ACAP3: variants seen among roughly 807,000 people sequenced by gnomAD.
The protein encoded by ACAP3 is ArfGAP with coiled-coil, ankyrin repeat and PH domains 3, also known as arf-GAP with coiled-coil, ANK repeat and PH domain-containing protein 3.
ACAP3 carries 56 observed loss-of-function variants against 104.1 expected under a neutral mutation model. The observed-to-expected ratio is 0.54, with a 90% CI of 0.43 to 0.67. ACAP3 has a LOEUF of 0.67. ACAP3 is among the 30% of genes least tolerant of loss of function. ACAP3 has a pLI of 0.00. For missense variants in ACAP3, 1,208 were observed against 1,174.9 expected (o/e 1.03, Z -0.41); for synonymous variants, 628 against 496.2 (o/e 1.27, Z -3.53).
At chr1:1,299,552 GCTGTCC>G in intron 9 of ACAP3, 196 bp from the exon 10 acceptor site, 1 of 772,672 alleles carries the variant, frequency 1.3e-6, no homozygotes, top group Non-Finnish European at 2.0e-6. Context: ...GGCCGGGGCT[GCTGTCC>G]CACAGGCAAG....
chr1:1,293,731 A>ACGTCCCTGCCCTGGAGGCCC, intron 23 of ACAP3, 23 bp from the exon 24 acceptor site: 2 of 942,762 alleles, frequency 2.1e-6, no homozygotes, highest in Non-Finnish European at 2.8e-6. Context: ...ACAGCGTGAG[A>ACGTCCCTGCCCTGGAGGCCC]CGCCCCTGCC....
chr1:1,299,329 G>A lies in ACAP3; in HGVS notation c.750+16C>T. Reference sequence around the variant, plus strand: ...TCCCCCGACCCACAGCCCGCCCAGGGCCCGTGCTCACTTACCTGCAGCAGC... The same window carrying A: ...TCCCCCGACCCACAGCCCGCCCAGGACCCGTGCTCACTTACCTGCAGCAGC... On this transcript the variant is annotated intron_variant, in intron 10 of 23. Coordinates refer to ENST00000354700, the MANE Select transcript of ACAP3 (RefSeq NM_030649.3). 6.3e-7 allele frequency: 1 copy of A among 1,595,228 alleles called. No homozygotes were observed. Among genetic ancestry groups the A allele is most frequent in the Non-Finnish European group, 8.5e-7 (1 of 1,171,222 alleles).
rs1423959901 is a variant in ACAP3, at chr1:1,294,104, C to T, written c.2235G>A (p.Leu745=). Residue 745 remains leucine, a synonymous_variant, in exon 22 of 24, where the codon CTG becomes CTA. Coordinates refer to ENST00000354700, the MANE Select transcript of ACAP3 (RefSeq NM_030649.3). ...RGRAPLHHAT[L]LGRTGQVCLF... is the part of the protein sequence containing the mutation. ...GCGCGTCTCACCCGGTGCGGCCCAGCAGCGTGGCGTGGTGCAGGGGCGCCC... is the reference window on the plus strand; with the variant it reads ...GCGCGTCTCACCCGGTGCGGCCCAGTAGCGTGGCGTGGTGCAGGGGCGCCC... The T allele has an allele frequency of 6.3e-6, 10 of 1,579,450 alleles. No homozygotes were observed. The highest frequency in any genetic ancestry group is 8.6e-6 in the Non-Finnish European group (10 of 1,162,562).
intron 1 of ACAP3, 70 bp from the exon 2 acceptor site, chr1:1,304,213 C>T (rs1204452242): frequency 1.3e-6 from 2 of 1,535,628 alleles, no homozygotes; most frequent in Non-Finnish European, 1.8e-6. Flanking sequence ...CCTCCCCCCG[C>T]ACCTCCCTGA....
chr1:1,295,400 C>T (rs1167322543), intron 19 of ACAP3, 47 bp downstream of exon 19: 1 of 1,566,564 alleles, frequency 6.4e-7, no homozygotes, highest in Non-Finnish European at 8.8e-7. Flanking sequence ...TCAGGCCAGC[C>T]TCCTTGGCCC....
chr1:1,299,339 A>G lies in ACAP3; in HGVS notation c.750+6T>C, dbSNP rs995576084. ...CACAGCCCGCCCAGGGCCCGTGCTC[A>G]CTTACCTGCAGCAGCGTCTGGAGGG... is the stretch of plus-strand genomic sequence containing the variant. On this transcript the variant is annotated splice_donor_region_variant and intron_variant, in intron 10 of 23. Coordinates refer to ENST00000354700, the MANE Select transcript of ACAP3 (RefSeq NM_030649.3). 17 of 1,590,334 alleles carry G rather than the reference A, an allele frequency of 1.1e-5. No individual in the cohort carries two copies. The highest frequency in any genetic ancestry group is 4.5e-5 in the East Asian group (2 of 43,962).
Position 1,302,026 on chromosome 1 carries a change from C to G in ACAP3, c.300G>C (p.Gln100His). The change falls in exon 5 of 24, where the codon CAG becomes CAC. Residue 100 changes from glutamine (Q) to histidine (H), a missense_variant. Physicochemically the swap from Gln to His is conservative, Grantham distance 24. Transcript: ENST00000354700. The stretch of plus-strand genomic sequence containing the variant: ...TCTGGAGCTGCTGCCGCACGGACCT[C>G]TGGGCCTGGTCAAACAGGATCTGGG... ...NYHMILFDQA[Q>H]RSVRQQLQSF... 1 of 1,567,104 alleles carries G rather than the reference C, an allele frequency of 6.4e-7. No individual in the cohort carries two copies. Among genetic ancestry groups the G allele is most frequent in the Non-Finnish European group, 8.7e-7 (1 of 1,153,886 alleles).
At chr1:1,298,202 C>T in intron 12 of ACAP3, 89 bp from the exon 13 acceptor site, 6 of 1,562,252 alleles carry the variant, frequency 3.8e-6, no homozygotes, top group South Asian at 2.3e-5. Context: ...ACCCGGAGGC[C>T]GACTGCCTGA....
Position 1,295,948 on chromosome 1 carries a change from G to A in ACAP3, c.1503-10C>T, listed in dbSNP as rs751562966. ...GGCCTCCTTGTCCTGCCTGGACCAGGGGGGAACATGAGGCTGTGCCCCCAG... is the reference window on the plus strand; with the variant it reads ...GGCCTCCTTGTCCTGCCTGGACCAGAGGGGAACATGAGGCTGTGCCCCCAG... On this transcript the variant is annotated splice_polypyrimidine_tract_variant and intron_variant, in intron 17 of 23. Transcript: ENST00000354700. 5 of 1,612,492 alleles carry A rather than the reference G, an allele frequency of 3.1e-6. No individual in the cohort carries two copies. Among genetic ancestry groups the A allele is most frequent in the East Asian group, 4.5e-5 (2 of 44,890 alleles).
chr1:1,301,781 G>A (rs1641457067), intron 5 of ACAP3: 2 of 426,898 alleles, frequency 4.7e-6, no homozygotes, highest in Non-Finnish European at 8.4e-6. Flanking sequence ...TCTGCTGTGG[G>A]GGCTGGACAC....
chr1:1,302,094 C>A, intron 4 of ACAP3, 48 bp from the exon 5 acceptor site: 1 of 1,410,948 alleles, frequency 7.1e-7, no homozygotes, highest in Non-Finnish European at 9.4e-7. Context: ...CCCGAAAGAG[C>A]CCCAGATGGA....
chr1:1,297,516 T>C (rs528931463), intron 14 of ACAP3, among the ~76,000 whole-genome samples: 8 of 22,204 alleles, frequency 3.6e-4, no homozygotes, highest in Non-Finnish European at 2.8e-4. Context: ...CACGTGTGTG[T>C]GTGCACAGGC....
Position 1,294,544 on chromosome 1 carries a change from A to G in ACAP3, c.1997T>C (p.Leu666Pro). 6.7e-7 allele frequency: 1 copy of G among 1,496,078 alleles called. No individual in the cohort carries two copies. The highest frequency in any genetic ancestry group is 8.8e-7 in the Non-Finnish European group (1 of 1,132,982). The allele number at this position is 1,496,078 out of a possible 1,614,324, so 92.7% of individuals were successfully genotyped here. A position where few individuals can be genotyped will look rare whatever the true frequency, so the allele number is the denominator to read the frequency against. ...EAWGLADVRE[L>P]HPGLLAHRAA... ...GCGGTGCGCCAAGAGCCCCGGGTGC[A>G]GCTCGCGCACGTCCGCCAGGCCCCA... is the stretch of plus-strand genomic sequence containing the variant. Residue 666 changes from leucine (L) to proline (P), a missense_variant, in exon 21 of 24, where the codon CTG (leucine) becomes CCG (proline). Leu to Pro is a moderately conservative substitution (Grantham distance 98). Transcript: ENST00000354700.
intron 5 of ACAP3, among the ~76,000 whole-genome samples, 198 bp from the exon 6 acceptor site, chr1:1,300,890 G>A (rs967769497): frequency 1.3e-5 from 2 of 152,082 alleles, no homozygotes; most frequent in African/African-American, 4.8e-5. Flanking sequence ...TCCTGCCTCA[G>A]CTTCCCTAGC....
At position 1,298,398 on chromosome 1, in the gene ACAP3, C is replaced by T. The variant is rs760958996; in HGVS notation, c.887G>A (p.Ser296Asn). The T allele has an allele frequency of 1.2e-6, 2 of 1,602,440 alleles. No individual in the cohort carries two copies. Among genetic ancestry groups the T allele is most frequent in the South Asian group, 2.2e-5 (2 of 90,006 alleles). Residue 296 changes from serine to asparagine, a missense_variant, in exon 12 of 24, where the codon AGC becomes AAC. By Grantham distance (46) the Ser-to-Asn change is conservative. Transcript: ENST00000354700. ...GAGCTTCTTCTGGTAGACCAGCTGG[C>T]TGTTCTGAATGGAGAACCAGCGCCT... ...WNRRWFSIQN[S>N]QLVYQKKLKD...
intron 4 of ACAP3, 127 bp from the exon 5 acceptor site, chr1:1,302,173 G>A: frequency 3.7e-6 from 3 of 813,488 alleles, no homozygotes; most frequent in Non-Finnish European, 5.2e-6. Flanking sequence ...CCACCCTGCA[G>A]GGCTGGCCTC....
Position 1,303,709 on chromosome 1 carries a change from C to T in ACAP3, c.105+377G>A, listed in dbSNP as rs1022333824. ...TCAGCCCATGTGGGGCTCATGGACACGGCTCCCCCCTCCACGGCCTGTTGC... is the reference window on the plus strand; with the variant it reads ...TCAGCCCATGTGGGGCTCATGGACATGGCTCCCCCCTCCACGGCCTGTTGC... On this transcript the variant is annotated intron_variant, in intron 2 of 23. Transcript: ENST00000354700. This position sits in a 1 kb window ranked among gnomAD's most constrained non-coding sequence, Gnocchi z 4.0. 5 of 407,458 alleles carry T rather than the reference C, an allele frequency of 1.2e-5. No individual in the cohort carries two copies. The highest frequency in any genetic ancestry group is 5.0e-5 in the East Asian group (1 of 20,032). The allele number at this position is 407,458 out of a possible 1,614,324, so 25.2% of individuals were successfully genotyped here.
chr1:1,295,475 G>A lies in ACAP3; in HGVS notation c.1785C>T (p.Asp595=), dbSNP rs761176133. 46 of 1,612,478 alleles carry A rather than the reference G, an allele frequency of 2.9e-5. No individual in the cohort carries two copies. Among genetic ancestry groups the A allele is most frequent in the Middle Eastern group, 1.6e-4 (1 of 6,080 alleles). Residue 595 remains aspartate (D), a synonymous_variant, in exon 19 of 24, where the codon GAC becomes GAT. Transcript: ENST00000354700. ...DELDSLFSYF[D]AGAAGAGPRS... ...GAGGGCCAGCCCCTGCGGCCCCTGC[G>A]TCGAAGTAGGAGAAGAGCGAGTCCA...
In ACAP3 at chr1:1,303,932, A is replaced by AC. The variant is rs1641566507; in HGVS notation, c.105+153dup. On this transcript the variant is annotated intron_variant, in intron 2 of 23. Coordinates refer to ENST00000354700, the MANE Select transcript of ACAP3 (RefSeq NM_030649.3). This position sits in a 1 kb window ranked among gnomAD's most constrained non-coding sequence, Gnocchi z 4.0. Reference sequence around the variant, plus strand: ...ATGTGACATGTGCACCCTGGAACACACATGCTAAGACACAGGGACCAGGAC... The same window carrying AC: ...ATGTGACATGTGCACCCTGGAACACACCATGCTAAGACACAGGGACCAGGAC... 2 of 877,342 alleles carry AC rather than the reference A, an allele frequency of 2.3e-6. No homozygotes were observed. The highest frequency in any genetic ancestry group is 3.3e-5 in the South Asian group (2 of 61,112). The allele number at this position is 877,342 out of a possible 1,614,324, so 54.3% of individuals were successfully genotyped here.
Sources: gnomAD v4.1 joint callset for allele counts (sites outside exome capture counted in the v4.1 genomes callset) on GRCh38, gnomAD v4.1.1 for gene constraint, Gnocchi (gnomAD v3.1) non-coding constraint, MANE v1.5 for transcripts, NCBI Gene and HGNC (gene_info 2026-07-23, HGNC 2026-07-21) for gene names.